Variants in IL1R1 observed in about 807,000 individuals in gnomAD.
IL1R1 encodes interleukin 1 receptor type 1.
In IL1R1, 22 loss-of-function variants were observed where a neutral mutation model predicts 50.2. The ratio of observed to expected loss-of-function variants is 0.44; its 90% CI spans 0.31 to 0.63. The LOEUF (loss-of-function observed/expected upper bound fraction) is 0.63. IL1R1 is among the 20% of genes least tolerant of loss of function. IL1R1 has a pLI of 0.07. For synonymous variants in IL1R1, 251 were observed against 236.7 expected, an observed-to-expected ratio of 1.06 and a Z score of -0.55; for missense variants, 509 against 676.2, an observed-to-expected ratio of 0.75 and a Z score of 2.74.
chr2:102,123,442 G>C (rs1681510594), intron 1 of IL1R1, among the ~76,000 whole-genome samples: 1 of 152,072 alleles, frequency 6.6e-6, no homozygotes, highest in South Asian at 2.1e-4. Context: ...AAATGAAAAG[G>C]CTAGGGGAAA....
intron 1 of IL1R1, among the ~76,000 whole-genome samples, chr2:102,127,488 G>A (rs1443215803): frequency 2.0e-5 from 3 of 152,026 alleles, no homozygotes; most frequent in Admixed American, 6.6e-5. Context: ...ATGATAATAC[G>A]GCAGTGTATA....
At chr2:102,157,677 CAT>C in intron 2 of IL1R1, 40 bp from the exon 3 acceptor site, 1 of 1,311,626 alleles carries the variant, frequency 7.6e-7, no homozygotes, top group Non-Finnish European at 1.1e-6. Flanking sequence ...GGAAAAGTAA[CAT>C]TTTTGCTTTT....
At chr2:102,074,369 G>C (rs1022482709) in intron 1 of IL1R1, among the ~76,000 whole-genome samples, 13 of 126,416 alleles carry the variant, frequency 1.0e-4, no homozygotes, top group Non-Finnish European at 1.6e-4. Context: ...GGGGAGGCTG[G>C]GCTCAGATGG....
intron 1 of IL1R1, among the ~76,000 whole-genome samples, chr2:102,131,136 T>A (rs1363424124): frequency 1.3e-5 from 2 of 152,144 alleles, no homozygotes; most frequent in Non-Finnish European, 2.9e-5. Flanking sequence ...TCGTAATTCA[T>A]AGGGATTTGT....
intron 1 of IL1R1, among the ~76,000 whole-genome samples, chr2:102,151,221 G>A (rs1000184666): frequency 2.6e-5 from 4 of 152,018 alleles, no homozygotes; most frequent in African/African-American, 9.7e-5. Context: ...ACAGCCATCT[G>A]GGTGTGAACT....
chr2:102,107,995 C>A (rs182056471), intron 1 of IL1R1, among the ~76,000 whole-genome samples: 4 of 152,072 alleles, frequency 2.6e-5, no homozygotes, highest in African/African-American at 9.7e-5. Context: ...AGACAGAAGG[C>A]CTGTGCTAGC....
At chr2:102,095,175 C>T (rs1191725257) in intron 1 of IL1R1, among the ~76,000 whole-genome samples, 4 of 152,306 alleles carry the variant, frequency 2.6e-5, no homozygotes, top group African/African-American at 9.6e-5. Flanking sequence ...CTGAGTCACA[C>T]ACATGCAATC....
Position 102,155,645 on chromosome 2 carries a change from C to T in IL1R1, c.-7+1628C>T, listed in dbSNP as rs116618956. On this transcript the variant is annotated intron_variant, in intron 2 of 11. Transcript: ENST00000410023. ...GGGATTGACATGGATCCCAAAAGCC[C>T]GCTGCTGAGAGGACAGGGCCACTCC... Among the ~76,000 whole-genome samples, 1,189 of 152,246 alleles carry T rather than the reference C, an allele frequency of 7.8e-3. 21 individuals are homozygous for T. Among genetic ancestry groups the T allele is most frequent in the African/African-American group, 0.027 (1,124 of 41,540 alleles).
At chr2:102,139,547 TC>T (rs2104434170), upstream of IL1R1, among the ~76,000 whole-genome samples, 1 of 152,292 alleles carries the variant, frequency 6.6e-6, no homozygotes, top group South Asian at 2.1e-4. Flanking sequence ...TAAAATGTAA[TC>T]CCCAATGTTG....
rs772782596 is a variant in IL1R1, at chr2:102,175,634, A to G, written c.1292A>G (p.Tyr431Cys). 6.2e-7 allele frequency: 1 copy of G among 1,614,008 alleles called. No homozygotes were observed. Among genetic ancestry groups the G allele is most frequent in the South Asian group, 1.1e-5 (1 of 91,080 alleles). ...CTGTTCATTTATGGAAGGGATGACT[A>G]CGTTGGGGAAGGTATGTGTGTAATG... ...YKLFIYGRDDYVGEDIVEVIN... is the reference protein window; with the variant it reads ...YKLFIYGRDDCVGEDIVEVIN... Residue 431 changes from tyrosine (Y) to cysteine (C), a missense_variant, in exon 11 of 12, where the codon TAC (tyrosine) becomes TGC (cysteine). Transcript: ENST00000410023.
upstream of IL1R1, among the ~76,000 whole-genome samples, chr2:102,139,640 C>T (rs774970981): frequency 7.8e-4 from 119 of 152,306 alleles, no homozygotes; most frequent in Non-Finnish European, 1.4e-3. Flanking sequence ...TGGTGATAAG[C>T]GAGCTTTTGC....
At chr2:102,168,072 A>G (rs569997372) in intron 6 of IL1R1, among the ~76,000 whole-genome samples, 2 of 152,294 alleles carry the variant, frequency 1.3e-5, no homozygotes, top group East Asian at 1.9e-4. Context: ...AAACCCCTGA[A>G]ACCAATCTTT....
At chr2:102,109,589 T>C (rs1260569137) in intron 1 of IL1R1, among the ~76,000 whole-genome samples, 1 of 152,140 alleles carries the variant, frequency 6.6e-6, no homozygotes, top group African/African-American at 2.4e-5. Context: ...GTGTTGAACC[T>C]GGAAAACTCA....
chr2:102,103,643 C>G (rs1009685013), upstream of IL1R1, among the ~76,000 whole-genome samples: 1 of 152,080 alleles, frequency 6.6e-6, no homozygotes, highest in African/African-American at 2.4e-5. Flanking sequence ...AGGCTGGACT[C>G]TGTATCATGT....
At chr2:102,164,100 C>T (rs1684960486) in intron 3 of IL1R1, among the ~76,000 whole-genome samples, 1 of 152,146 alleles carries the variant, frequency 6.6e-6, no homozygotes, top group Non-Finnish European at 1.5e-5. Flanking sequence ...AGTCCTCCCT[C>T]TAGCCTTGGG....
At chr2:102,149,324 A>G (rs1224163885) in intron 1 of IL1R1, among the ~76,000 whole-genome samples, 1 of 152,214 alleles carries the variant, frequency 6.6e-6, no homozygotes, top group Non-Finnish European at 1.5e-5. Context: ...ATCAGGTGGA[A>G]ATGTAGAAAG....
At chr2:102,159,933 T>G (rs1401752358) in intron 3 of IL1R1, among the ~76,000 whole-genome samples, 1 of 152,232 alleles carries the variant, frequency 6.6e-6, no homozygotes, top group African/African-American at 2.4e-5. Flanking sequence ...TGTTTCTGTT[T>G]GTTTCCTTAT....
At position 102,132,440 on chromosome 2, in the gene IL1R1, C is replaced by A. The variant is rs558702907; in HGVS notation, c.-83-21501C>A. On this transcript the variant is annotated intron_variant, in intron 1 of 10. Coordinates refer to the IL1R1 transcript ENST00000409329. ...TCCTGTATGTAGGGTGATACAGTAT[C>A]ATTTATAGGAACAGTTTTAGCACTA... Among the ~76,000 whole-genome samples the A allele has an allele frequency of 1.2e-4, 18 of 152,140 alleles. No homozygotes were observed. In the East Asian group the frequency reaches 3.3e-3, roughly 28 times the overall value.
At chr2:102,082,144 C>T (rs17026585) in intron 1 of IL1R1, among the ~76,000 whole-genome samples, 30,949 of 151,994 alleles carry the variant, frequency 0.2, 3,662 homozygotes, top group East Asian at 0.53. Context: ...TTCTCCTGTT[C>T]CTTCTTGGCT....
Sources: allele counts gnomAD v4.1 joint callset (sites outside exome capture counted in the v4.1 genomes callset), GRCh38; gene constraint gnomAD v4.1.1; transcripts MANE v1.5; gene names NCBI Gene and HGNC (gene_info 2026-07-23, HGNC 2026-07-21).